XKR9: variants seen among roughly 807,000 people sequenced by gnomAD.
XKR9 encodes the protein XK related 9, also known as XK-related protein 9.
Under a neutral mutation model 32.0 loss-of-function variants are expected in XKR9, and 32 were observed. The observed-to-expected ratio is 1.00, with a 90% CI of 0.76 to 1.34. The LOEUF is 1.34. XKR9 is among the 40% of genes most tolerant of loss of function. The pLI is 0.00. For missense variants in XKR9, 546 were observed against 429.7 expected, an observed-to-expected ratio of 1.27 and a Z score of -2.39; for synonymous variants, 168 against 143.4, an observed-to-expected ratio of 1.17 and a Z score of -1.22.
At chr8:71,054,263 T>G in the XKR9 span, among the ~76,000 whole-genome samples, 1 of 152,036 alleles carries the variant, frequency 6.6e-6, no homozygotes, top group Non-Finnish European at 1.5e-5. Flanking sequence ...AAAAAAAAAA[T>G]GGATCACAAT....
intron 2 of XKR9, among the ~76,000 whole-genome samples, chr8:70,676,907 T>C (rs1218103345): frequency 6.6e-6 from 1 of 152,048 alleles, no homozygotes; most frequent in Non-Finnish European, 1.5e-5. Flanking sequence ...TCTTGCCAGG[T>C]AAAGGAAGCT....
the XKR9 span, among the ~76,000 whole-genome samples, chr8:70,921,504 C>G: frequency 1.3e-5 from 2 of 152,036 alleles, no homozygotes; most frequent in Non-Finnish European, 2.9e-5. Flanking sequence ...TCATTTTTTT[C>G]AATTTTTGCA....
At chr8:70,901,589 A>G in the XKR9 span, among the ~76,000 whole-genome samples, 1 of 151,772 alleles carries the variant, frequency 6.6e-6, no homozygotes, top group East Asian at 1.9e-4. Flanking sequence ...GATTGTAAAA[A>G]TTTTCTCCCA....
chr8:70,975,785 A>T, the XKR9 span, among the ~76,000 whole-genome samples: 15 of 152,142 alleles, frequency 9.9e-5, no homozygotes, highest in African/African-American at 3.6e-4. Context: ...GAAGAAAGTC[A>T]TTGGTAGCTT....
intron 2 of XKR9, among the ~76,000 whole-genome samples, chr8:70,765,521 G>C (rs899671910): frequency 6.6e-6 from 1 of 152,236 alleles, no homozygotes. Context: ...CATTCTGTAG[G>C]TTGCCTGTTT....
At chr8:70,921,643 T>C in the XKR9 span, among the ~76,000 whole-genome samples, 1 of 152,194 alleles carries the variant, frequency 6.6e-6, no homozygotes, top group Non-Finnish European at 1.5e-5. Context: ...GAACCAAAAA[T>C]TCCTGTCAAA....
chr8:71,012,798 C>A, the XKR9 span, among the ~76,000 whole-genome samples: 31 of 152,238 alleles, frequency 2.0e-4, no homozygotes, highest in African/African-American at 7.5e-4. Flanking sequence ...CTCAAGTAGT[C>A]CACATTCAGA....
At chr8:70,872,651 G>C in the XKR9 span, among the ~76,000 whole-genome samples, 1 of 152,064 alleles carries the variant, frequency 6.6e-6, no homozygotes, top group Non-Finnish European at 1.5e-5. Flanking sequence ...CTTGTTAGGG[G>C]CTAATGCAGC....
At chr8:70,820,959 C>T in the XKR9 span, among the ~76,000 whole-genome samples, 38 of 152,264 alleles carry the variant, frequency 2.5e-4, no homozygotes, top group Non-Finnish European at 3.7e-4. Flanking sequence ...TAAAACCAAT[C>T]GTGCATTCCC....
At chr8:71,019,665 A>G in the XKR9 span, among the ~76,000 whole-genome samples, 2 of 152,200 alleles carry the variant, frequency 1.3e-5, no homozygotes, top group African/African-American at 4.8e-5. Flanking sequence ...ACACTTTGAG[A>G]TGAAGTTTAA....
At chr8:70,957,790 T>A in the XKR9 span, among the ~76,000 whole-genome samples, 1 of 105,904 alleles carries the variant, frequency 9.4e-6, no homozygotes, top group Non-Finnish European at 1.9e-5. Flanking sequence ...TATCTTTTTT[T>A]TTTTTTTTTT....
the XKR9 span, among the ~76,000 whole-genome samples, chr8:70,979,965 G>T: frequency 6.6e-6 from 1 of 152,222 alleles, no homozygotes; most frequent in African/African-American, 2.4e-5. Context: ...CCTCAGCAAT[G>T]GTGGATGCCC....
intron 2 of XKR9, among the ~76,000 whole-genome samples, chr8:70,773,208 T>G (rs938762462): frequency 3.9e-5 from 6 of 152,184 alleles, no homozygotes; most frequent in Non-Finnish European, 7.3e-5. Context: ...CAAGTGTCTT[T>G]GAGGGATTTT....
At chr8:70,878,801 A>T in the XKR9 span, among the ~76,000 whole-genome samples, 1 of 152,150 alleles carries the variant, frequency 6.6e-6, no homozygotes, top group East Asian at 1.9e-4. Flanking sequence ...TGCACCAAGC[A>T]GACCTAATAG....
intron 2 of XKR9, among the ~76,000 whole-genome samples, chr8:70,757,667 A>G (rs1254318963): frequency 6.6e-6 from 1 of 152,088 alleles, no homozygotes. Flanking sequence ...GCTCACTGCA[A>G]CCTCTGCCTC....
chr8:71,015,746 C>T, the XKR9 span, among the ~76,000 whole-genome samples: 2 of 151,254 alleles, frequency 1.3e-5, no homozygotes, highest in African/African-American at 4.9e-5. Flanking sequence ...AGTTTCAAAG[C>T]CATTTGTTTT....
the XKR9 span, among the ~76,000 whole-genome samples, chr8:70,859,390 G>A: frequency 6.6e-6 from 1 of 151,968 alleles, no homozygotes. Context: ...GAAGAGAGGG[G>A]AACCCTTATA....
At chr8:70,833,474 A>G in the XKR9 span, among the ~76,000 whole-genome samples, 1 of 152,188 alleles carries the variant, frequency 6.6e-6, no homozygotes. Context: ...GGTAAAGTAT[A>G]TGTAGATGTT....
chr8:70,784,609 G>A (rs899977632), intron 2 of XKR9, among the ~76,000 whole-genome samples: 8 of 151,728 alleles, frequency 5.3e-5, no homozygotes, highest in Non-Finnish European at 1.0e-4. Flanking sequence ...AGAGTATGTA[G>A]GGTTTTCTAT....
Sources: gnomAD v4.1 joint callset for allele counts (sites outside exome capture counted in the v4.1 genomes callset) on GRCh38, gnomAD v4.1.1 for gene constraint, MANE v1.5 for transcripts, NCBI Gene and HGNC (gene_info 2026-07-23, HGNC 2026-07-21) for gene names.